CTNNA3: variants seen among roughly 807,000 people sequenced by gnomAD.
The protein encoded by CTNNA3 is catenin alpha 3.
Under a neutral mutation model 95.7 loss-of-function variants are expected in CTNNA3, and 76 were observed. That is an observed-to-expected ratio of 0.79 (90% CI 0.66 to 0.96). CTNNA3 has a LOEUF of 0.96. CTNNA3 is among the 40% of genes least tolerant of loss of function. CTNNA3 has a pLI of 0.00. For synonymous variants in CTNNA3, 431 were observed against 374.4 expected (o/e 1.15, Z -1.74); for missense variants, 1,191 against 1,089.8 (o/e 1.09, Z -1.31).
At chr10:66,235,212 A>G (rs367771850) in intron 13 of CTNNA3, among the ~76,000 whole-genome samples, 14 of 152,172 alleles carry the variant, frequency 9.2e-5, no homozygotes, top group African/African-American at 3.4e-4. Context: ...AAACCACTAA[A>G]TTTGGTAGTA....
At chr10:66,211,636 G>T (rs1019519537) in intron 13 of CTNNA3, among the ~76,000 whole-genome samples, 3 of 152,176 alleles carry the variant, frequency 2.0e-5, no homozygotes, top group Non-Finnish European at 4.4e-5. Flanking sequence ...ATGAATTCCA[G>T]AAGCCAACCC....
chr10:66,017,415 G>T (rs1054868348), intron 15 of CTNNA3, among the ~76,000 whole-genome samples: 3 of 152,044 alleles, frequency 2.0e-5, no homozygotes, highest in African/African-American at 7.2e-5. Flanking sequence ...TAGTAGACTT[G>T]AAACATTTAA....
intron 5 of CTNNA3, among the ~76,000 whole-genome samples, chr10:67,245,088 AC>A (rs1865858116): frequency 6.6e-6 from 1 of 151,874 alleles, no homozygotes; most frequent in East Asian, 1.9e-4. Context: ...TATCTCTGTG[AC>A]CCCACTCCCA....
chr10:67,579,730 T>C (rs939549535), intron 3 of CTNNA3, among the ~76,000 whole-genome samples: 2 of 152,208 alleles, frequency 1.3e-5, no homozygotes, highest in African/African-American at 2.4e-5. Context: ...TTCCTGACTT[T>C]TTAATGATCA....
At chr10:66,410,042 T>C (rs1047430470) in intron 11 of CTNNA3, among the ~76,000 whole-genome samples, 2 of 152,238 alleles carry the variant, frequency 1.3e-5, no homozygotes, top group Admixed American at 6.5e-5. Context: ...TAATCTGTGC[T>C]AAAAGCAAGC....
In CTNNA3 at chr10:66,813,049, C is replaced by A. The variant is rs201165608; in HGVS notation, c.1048-37525G>T. 1.5e-3 allele frequency among the ~76,000 whole-genome samples: 227 copies of A among 152,206 alleles called. 1 individual carries two copies. Among genetic ancestry groups the A allele is most frequent in the African/African-American group, 4.8e-3 (199 of 41,530 alleles). On this transcript the variant is annotated intron_variant, in intron 7 of 17. Transcript: ENST00000433211. ...CATAGTTCAGTTTTGTAGCTGCTCA[C>A]CCAAAGAACATAAAGTGCAGACTGG...
Position 66,584,335 on chromosome 10 carries a change from G to C in CTNNA3, c.1374+37357C>G, listed in dbSNP as rs990955491. On this transcript the variant is annotated intron_variant, in intron 10 of 17. Coordinates refer to ENST00000433211, the MANE Select transcript of CTNNA3 (RefSeq NM_013266.4). ...GTATTTTCTTTTTTAGACCTGGTAGGAATTGCCTTATGAATCTGTGAGCTC... is the reference window on the plus strand; with the variant it reads ...GTATTTTCTTTTTTAGACCTGGTAGCAATTGCCTTATGAATCTGTGAGCTC... Among the ~76,000 whole-genome samples the C allele has an allele frequency of 2.6e-5, 4 of 151,838 alleles. No homozygotes were observed. In the South Asian group the frequency reaches 6.2e-4, roughly 24 times the overall value.
intron 11 of CTNNA3, among the ~76,000 whole-genome samples, chr10:66,431,447 G>C (rs918978922): frequency 1.3e-5 from 2 of 151,828 alleles, no homozygotes; most frequent in South Asian, 4.2e-4. Flanking sequence ...ACATGCACAT[G>C]TATGTTTATT....
intron 11 of CTNNA3, among the ~76,000 whole-genome samples, chr10:66,430,352 C>G (rs1246488188): frequency 6.6e-6 from 1 of 152,054 alleles, no homozygotes; most frequent in Non-Finnish European, 1.5e-5. Flanking sequence ...AGATTCAATG[C>G]CATCCCCTCA....
chr10:66,374,609 T>TA (rs2092780321), intron 12 of CTNNA3, among the ~76,000 whole-genome samples: 1 of 80,462 alleles, frequency 1.2e-5, no homozygotes, highest in South Asian at 6.3e-4. Context: ...GAAAAGCCTT[T>TA]TTTTTTTTTT....
intron 5 of CTNNA3, among the ~76,000 whole-genome samples, chr10:67,252,867 C>T (rs1379433135): frequency 1.3e-5 from 2 of 152,138 alleles, no homozygotes; most frequent in Non-Finnish European, 2.9e-5. Context: ...ATGCATTTTC[C>T]ATCTAATTAA....
chr10:66,476,220 G>A (rs548205709), intron 11 of CTNNA3, among the ~76,000 whole-genome samples: 1 of 152,046 alleles, frequency 6.6e-6, no homozygotes, highest in South Asian at 2.1e-4. Flanking sequence ...CAGGAACGGG[G>A]GATGTGGGGA....
At chr10:66,710,118 T>A (rs1381268437) in intron 9 of CTNNA3, among the ~76,000 whole-genome samples, 1 of 152,120 alleles carries the variant, frequency 6.6e-6, no homozygotes, top group Admixed American at 6.6e-5. Flanking sequence ...TAAACAGATG[T>A]GAGAATTGAG....
In CTNNA3 at chr10:67,289,935, G is replaced by T. The variant is rs763883739; in HGVS notation, c.580-70065C>A. ...CCACCTCAGCCTCCCAACTACCTAG[G>T]ACTGCAGGCATATACCACATGCCAG... On this transcript the variant is annotated intron_variant, in intron 5 of 17. Coordinates refer to ENST00000433211, the MANE Select transcript of CTNNA3 (RefSeq NM_013266.4). 4.6e-5 allele frequency among the ~76,000 whole-genome samples: 7 copies of T among 151,728 alleles called. No individual in the cohort carries two copies. In the East Asian group the frequency reaches 1.2e-3, roughly 25 times the overall value.
chr10:67,219,756 C>T lies in CTNNA3; in HGVS notation c.694G>A (p.Ala232Thr). Residue 232 changes from alanine to threonine, a missense_variant, in exon 6 of 18, where the codon GCT (alanine) becomes ACT (threonine). Ala to Thr is a moderately conservative substitution (Grantham distance 58). Transcript: ENST00000433211. ...CSACLEHSDVASLKASKDTVC... is the reference protein window; with the variant it reads ...CSACLEHSDVTSLKASKDTVC... ...GTGTCCTTGCTTGCTTTGAGGGAAG[C>T]AACATCAGAATGCTCCAAACAAGCT... 6.2e-7 allele frequency: 1 copy of T among 1,614,018 alleles called. No individual in the cohort carries two copies. Among genetic ancestry groups the T allele is most frequent in the South Asian group, 1.1e-5 (1 of 91,050 alleles).
At chr10:65,961,095 T>C (rs1207595317) in intron 17 of CTNNA3, among the ~76,000 whole-genome samples, 2 of 152,172 alleles carry the variant, frequency 1.3e-5, no homozygotes, top group African/African-American at 2.4e-5. Flanking sequence ...CGCTTTTTTT[T>C]CTTTACCTAA....
rs1328343882 is a variant in CTNNA3 at position 66,256,008 on chromosome 10, T to C, written c.1884+24462A>G. The stretch of plus-strand genomic sequence containing the variant: ...CTCATGCTCGTAATCCTAATGATAA[T>C]ATAGCCAGGGAAGAAGCTGTCCCTG... On this transcript the variant is annotated intron_variant, in intron 13 of 17. Coordinates refer to ENST00000433211, the MANE Select transcript of CTNNA3 (RefSeq NM_013266.4). Among the ~76,000 whole-genome samples, 3 of 152,276 alleles carry C rather than the reference T, an allele frequency of 2.0e-5. No homozygotes were observed. The East Asian group carries it at 5.8e-4, about 29-fold the overall frequency.
At chr10:66,958,962 T>C (rs1589494700) in intron 7 of CTNNA3, among the ~76,000 whole-genome samples, 1 of 152,172 alleles carries the variant, frequency 6.6e-6, no homozygotes, top group Non-Finnish European at 1.5e-5. Flanking sequence ...TATTCAGACA[T>C]AGGGAGAGAG....
intron 15 of CTNNA3, among the ~76,000 whole-genome samples, chr10:65,996,552 G>C (rs1485351647): frequency 6.6e-6 from 1 of 152,114 alleles, no homozygotes; most frequent in Non-Finnish European, 1.5e-5. Context: ...ATGACACTGT[G>C]CTACAACTGC....
Sources: allele counts gnomAD v4.1 joint callset (sites outside exome capture counted in the v4.1 genomes callset), GRCh38; gene constraint gnomAD v4.1.1; transcripts MANE v1.5; gene names NCBI Gene and HGNC (gene_info 2026-07-23, HGNC 2026-07-21).